ZBTB38: variants seen among roughly 807,000 people sequenced by gnomAD.
The protein encoded by ZBTB38 is zinc finger and BTB domain-containing protein 38.
In ZBTB38, 20 loss-of-function variants were observed where a neutral mutation model predicts 76.8. The observed-to-expected ratio is 0.26, with a 90% CI of 0.18 to 0.38. ZBTB38 has a LOEUF of 0.38. ZBTB38 is among the 10% of genes least tolerant of loss of function. The pLI is 1.00. For synonymous variants in ZBTB38, 504 were observed against 544.2 expected, an observed-to-expected ratio of 0.93 and a Z score of 1.03; for missense variants, 1,082 against 1,482.3, an observed-to-expected ratio of 0.73 and a Z score of 4.43.
intron 1 of ZBTB38, among the ~76,000 whole-genome samples, chr3:141,336,676 A>C (rs941888835): frequency 3.3e-5 from 5 of 152,158 alleles, no homozygotes; most frequent in Non-Finnish European, 7.3e-5. Context: ...TTGTACAACA[A>C]ACACAAATTT....
intron 1 of ZBTB38, among the ~76,000 whole-genome samples, chr3:141,326,841 A>T (rs1300691130): frequency 6.6e-6 from 1 of 152,120 alleles, no homozygotes; most frequent in Non-Finnish European, 1.5e-5. Context: ...TGGTGTCATT[A>T]TTCCTGACTT....
chr3:141,337,829 A>G (rs1322597072), intron 1 of ZBTB38, among the ~76,000 whole-genome samples: 1 of 152,188 alleles, frequency 6.6e-6, no homozygotes, highest in East Asian at 1.9e-4. Context: ...AGGGAAGAAA[A>G]CTGAGACTTG....
intron 5 of ZBTB38, among the ~76,000 whole-genome samples, chr3:141,427,248 A>T (rs1354886139): frequency 6.6e-6 from 1 of 152,228 alleles, no homozygotes; most frequent in Non-Finnish European, 1.5e-5. Flanking sequence ...CTCAGCCCTC[A>T]TATAATTTTT....
chr3:141,443,239 C>T lies in ZBTB38; in HGVS notation c.851C>T (p.Pro284Leu), dbSNP rs763157658. The T allele has an allele frequency of 8.7e-6, 14 of 1,614,232 alleles. No homozygotes were observed. The Admixed American group carries it at 2.3e-4, about 27-fold the overall frequency. ...GATTCAGCCACAGAAAATATACCACCCCCTCCAGTATCCAACTTAGAGGTT... is the reference window on the plus strand; with the variant it reads ...GATTCAGCCACAGAAAATATACCACTCCCTCCAGTATCCAACTTAGAGGTT... ...DSDSATENIP[P>L]PPVSNLEVNQ... Residue 284 changes from proline to leucine, a missense_variant, in exon 6 of 6, where the codon CCC becomes CTC. Pro to Leu is a moderately conservative substitution (Grantham distance 98, BLOSUM62 -3). This residue lies in a region of ZBTB38 where 324 missense variants were observed against 359.1 expected (regional missense o/e 0.90). Transcript: ENST00000321464. The surrounding 1 kb of genome is among the most constrained non-coding windows in gnomAD (Gnocchi z 5.6).
intron 5 of ZBTB38, chr3:141,427,804 C>T (rs949313144): frequency 7.2e-5 from 11 of 152,278 alleles, no homozygotes; most frequent in African/African-American, 2.4e-4. Context: ...TGCATTATCA[C>T]AGACCAGTAA....
At chr3:141,395,194 G>A (rs1421986650) in intron 4 of ZBTB38, among the ~76,000 whole-genome samples, 1 of 152,132 alleles carries the variant, frequency 6.6e-6, no homozygotes, top group Non-Finnish European at 1.5e-5. Flanking sequence ...CAGAACAATT[G>A]GTTTTTATAA....
At chr3:141,414,333 C>T (rs1027526985) in intron 5 of ZBTB38, among the ~76,000 whole-genome samples, 7 of 152,180 alleles carry the variant, frequency 4.6e-5, no homozygotes, top group African/African-American at 1.7e-4. Flanking sequence ...TGACTCAGTC[C>T]GCTGATCCGA....
At chr3:141,432,115 T>A (rs1268195675) in intron 5 of ZBTB38, 13 of 985,484 alleles carry the variant, frequency 1.3e-5, no homozygotes, top group Non-Finnish European at 1.6e-5. Context: ...GCCAGCTCAC[T>A]GAAGCAAAAT....
At chr3:141,420,779 A>G (rs1175414583) in intron 5 of ZBTB38, among the ~76,000 whole-genome samples, 1 of 152,184 alleles carries the variant, frequency 6.6e-6, no homozygotes, top group East Asian at 1.9e-4. Flanking sequence ...ACTTACTGAA[A>G]GTTTCTAGAG....
intron 2 of ZBTB38, among the ~76,000 whole-genome samples, chr3:141,376,139 C>T (rs950023494): frequency 1.3e-5 from 2 of 152,210 alleles, no homozygotes; most frequent in Non-Finnish European, 2.9e-5. Context: ...CCTCTCATCC[C>T]ACCACCTCAA....
chr3:141,448,475 T>C lies in ZBTB38; in HGVS notation c.*2499T>C, dbSNP rs543070887. On this transcript the variant is annotated 3_prime_UTR_variant, in exon 6 of 6. Transcript: ENST00000321464. ...TAATTGTGAAAATTTTATTGAGTGATGTTTAAGTATGCATTGAGTACATGA... is the reference window on the plus strand; with the variant it reads ...TAATTGTGAAAATTTTATTGAGTGACGTTTAAGTATGCATTGAGTACATGA... The C allele has an allele frequency of 6.6e-6, 1 of 152,604 alleles. No individual in the cohort carries two copies. Among genetic ancestry groups the C allele is most frequent in the East Asian group, 1.9e-4 (1 of 5,200 alleles). 9.5% of individuals were successfully genotyped at this position (152,604 alleles called of 1,614,324 possible). A position where few individuals can be genotyped will look rare whatever the true frequency, so the allele number is the denominator to read the frequency against.
At chr3:141,401,061 G>C (rs1374564385) in intron 4 of ZBTB38, among the ~76,000 whole-genome samples, 2 of 152,218 alleles carry the variant, frequency 1.3e-5, no homozygotes, top group Non-Finnish European at 2.9e-5. Flanking sequence ...AAAAGTTTCA[G>C]TGGAAACATA....
chr3:141,328,000 T>G (rs900231768), intron 1 of ZBTB38, among the ~76,000 whole-genome samples: 1 of 152,180 alleles, frequency 6.6e-6, no homozygotes, highest in African/African-American at 2.4e-5. Context: ...GCACCAAGAT[T>G]AATGGGGAAA....
chr3:141,346,782 T>TTTTTTGTGTG (rs150173767), intron 1 of ZBTB38, among the ~76,000 whole-genome samples: 165 of 144,686 alleles, frequency 1.1e-3, no homozygotes, highest in South Asian at 8.9e-4. Context: ...TTGTTTTGTT[T>TTTTTTGTGTG]TGTGTGTGTG....
chr3:141,356,599 G>A (rs976215833), intron 1 of ZBTB38, among the ~76,000 whole-genome samples: 3 of 152,070 alleles, frequency 2.0e-5, no homozygotes, highest in African/African-American at 7.2e-5. Context: ...ACCAATCAAG[G>A]GAAGCCAGGG....
intron 2 of ZBTB38, among the ~76,000 whole-genome samples, chr3:141,373,074 G>C (rs530904330): frequency 1.3e-5 from 2 of 152,168 alleles, no homozygotes; most frequent in Admixed American, 1.3e-4. Context: ...CTTTGTGTTT[G>C]AAAGAAAGCC....
chr3:141,396,081 T>G (rs1950296827), intron 4 of ZBTB38, among the ~76,000 whole-genome samples: 1 of 152,206 alleles, frequency 6.6e-6, no homozygotes, highest in Non-Finnish European at 1.5e-5. Flanking sequence ...ACAGTGAAGT[T>G]TACTGCATTT....
intron 1 of ZBTB38, among the ~76,000 whole-genome samples, chr3:141,356,852 G>A (rs1368786311): frequency 6.6e-6 from 1 of 152,190 alleles, no homozygotes; most frequent in African/African-American, 2.4e-5. Context: ...GTCTTAGAAT[G>A]GAGAAATTGG....
chr3:141,338,357 G>A (rs760445136), intron 1 of ZBTB38, among the ~76,000 whole-genome samples: 2 of 152,148 alleles, frequency 1.3e-5, no homozygotes, highest in Non-Finnish European at 2.9e-5. Flanking sequence ...CATGTTTATC[G>A]CAGCACCATT....
Sources: gnomAD v4.1 joint callset for allele counts (sites outside exome capture counted in the v4.1 genomes callset) on GRCh38, gnomAD v4.1.1 for gene constraint, gnomAD v4.1.1 regional missense constraint, Gnocchi (gnomAD v3.1) non-coding constraint, MANE v1.5 for transcripts, NCBI Gene and HGNC (gene_info 2026-07-23, HGNC 2026-07-21) for gene names.